Variants in E4F1 observed in about 807,000 individuals in gnomAD.
E4F1 encodes the protein E4F transcription factor 1, also known as transcription factor E4F1.
E4F1 carries 30 observed loss-of-function variants against 72.9 expected under a neutral mutation model. The observed-to-expected ratio is 0.41, with a 90% CI of 0.31 to 0.56. E4F1 has a LOEUF of 0.56. Ranked by LOEUF, E4F1 falls within the 20% of genes least tolerant of loss-of-function variation. The pLI, the probability that E4F1 is intolerant of heterozygous loss-of-function variation, is 0.25. For synonymous variants in E4F1, 542 were observed against 478.2 expected (o/e 1.13, Z -1.74); for missense variants, 1,091 against 1,117.5 (o/e 0.98, Z 0.34).
chr16:2,226,599 G>A (rs1281413773), intron 1 of E4F1, among the ~76,000 whole-genome samples: 2 of 152,244 alleles, frequency 1.3e-5, no homozygotes, highest in Non-Finnish European at 2.9e-5. Context: ...GAAGGTGAAT[G>A]GTCAGAGCTG....
Position 2,235,092 on chromosome 16 carries a change from C to T in E4F1, c.1947C>T (p.Asp649=), listed in dbSNP as rs370510459. Residue 649 remains aspartate (D), a synonymous_variant, in exon 13 of 14, where the codon GAC becomes GAT. Coordinates refer to ENST00000301727, the MANE Select transcript of E4F1 (RefSeq NM_004424.5). ...TQEYIIEATA[D]DAETSEATEI... is the part of the protein sequence containing the mutation. ...GCCCATCTGCCCAGGCCACTGCGGA[C>T]GATGCGGAGACCAGTGAGGCCACGG... is the stretch of plus-strand genomic sequence containing the variant. The T allele has an allele frequency of 1.6e-5, 25 of 1,612,344 alleles. No individual in the cohort carries two copies. In the African/African-American group the frequency reaches 1.6e-4, roughly 10 times the overall value.
chr16:2,235,285 G>A lies in E4F1; in HGVS notation c.2068G>A (p.Val690Met), dbSNP rs138985848. 3.0e-5 allele frequency: 48 copies of A among 1,611,218 alleles called. No homozygotes were observed. The highest frequency in any genetic ancestry group is 1.6e-4 in the Middle Eastern group (1 of 6,084). ...GGCTAGCGCCGGCCACCAGATCATC[G>A]TGCAGAACGTCACCATGGACGAGGA... The part of the protein sequence containing the change: ...HQASAGHQII[V>M]QNVTMDEETA... Residue 690 changes from valine to methionine, a missense_variant, in exon 14 of 14, where the codon GTG (valine) becomes ATG (methionine). By Grantham distance (21) the Val-to-Met change is conservative (BLOSUM62 1). Around this residue, in one of 5 missense-constraint regions of E4F1, gnomAD observed 622 missense variants for 628.0 expected, o/e 0.99. Transcript: ENST00000301727.
intron 5 of E4F1, 74 bp downstream of exon 5, chr16:2,232,650 T>A: frequency 6.2e-7 from 1 of 1,604,034 alleles, no homozygotes; most frequent in Non-Finnish European, 8.5e-7. Flanking sequence ...CAGCCTCGCA[T>A]TCCCCAGCTT....
intron 1 of E4F1, 184 bp downstream of exon 1, chr16:2,223,954 C>T: frequency 6.6e-7 from 1 of 1,522,238 alleles, no homozygotes; most frequent in Non-Finnish European, 8.8e-7. Flanking sequence ...TCACGGGCCT[C>T]TCCTGCGGGG....
chr16:2,234,323 C>A lies in E4F1; in HGVS notation c.1528C>A (p.Arg510=). 1 of 1,612,984 alleles carries A rather than the reference C, an allele frequency of 6.2e-7. No homozygotes were observed. The highest frequency in any genetic ancestry group is 2.2e-5 in the East Asian group (1 of 44,886). Residue 510 remains arginine, a synonymous_variant, in exon 10 of 14, where the codon CGG becomes AGG. Transcript: ENST00000301727. The part of the protein sequence containing the change: ...YKTIAHVRGH[R]RVHSDERPYP... ...GACCATTGCCCATGTGCGTGGCCAC[C>A]GGCGCGTCCACTCAGACGAGCGGCC...
Position 2,234,020 on chromosome 16 carries a change from G to A in E4F1, c.1375+30G>A, listed in dbSNP as rs768376283. On this transcript the variant is annotated intron_variant, in intron 9 of 13. Transcript: ENST00000301727. ...GTGATGGGTGGGTGTGTGGCCCATG[G>A]CAGTGGATGGGCTATAGGTGGCCGG... 1.9e-6 allele frequency: 3 copies of A among 1,558,384 alleles called. No homozygotes were observed. The East Asian group carries it at 7.1e-5, about 37-fold the overall frequency.
chr16:2,232,032 A>C (rs2093470543), intron 3 of E4F1, 139 bp from the exon 4 acceptor site: 2 of 1,050,672 alleles, frequency 1.9e-6, no homozygotes, highest in African/African-American at 3.2e-5. Flanking sequence ...TGTTGCTCGG[A>C]CCTGTGTGTT....
At chr16:2,232,434 G>C in intron 4 of E4F1, 22 bp from the exon 5 acceptor site, 1 of 1,607,726 alleles carries the variant, frequency 6.2e-7, no homozygotes, top group East Asian at 2.2e-5. Flanking sequence ...AGGGCCCTGA[G>C]CTGCCACGCC....
intron 1 of E4F1, among the ~76,000 whole-genome samples, chr16:2,225,376 G>T (rs1448495479): frequency 6.6e-6 from 1 of 151,832 alleles, no homozygotes; most frequent in East Asian, 1.9e-4. Flanking sequence ...GCTCATACCT[G>T]TAACCCCAAC....
intron 1 of E4F1, among the ~76,000 whole-genome samples, chr16:2,228,138 G>T (rs2093443066): frequency 6.6e-6 from 1 of 152,218 alleles, no homozygotes. Context: ...CCCTCTGCTG[G>T]GTGCTGACCT....
Position 2,233,177 on chromosome 16 carries a change from C to G in E4F1, c.1050C>G (p.Ala350=). 1 of 1,601,206 alleles carries G rather than the reference C, an allele frequency of 6.2e-7. No individual in the cohort carries two copies. Among genetic ancestry groups the G allele is most frequent in the Non-Finnish European group, 8.5e-7 (1 of 1,171,570 alleles). Residue 350 remains alanine, a synonymous_variant, in exon 7 of 14, where the codon GCC becomes GCG. Transcript: ENST00000301727. ...QELSLGMKAL[A]PEPPVSQELP... ...TGTCCCTGGGCATGAAAGCCCTGGC[C>G]CCAGAGGTGGGGGCGACGGGGGGCC...
intron 2 of E4F1, among the ~76,000 whole-genome samples, chr16:2,229,208 C>T (rs535438537): frequency 2.5e-4 from 38 of 152,338 alleles, no homozygotes; most frequent in African/African-American, 6.3e-4. Context: ...CTCCTCACAC[C>T]GCTCTGCCGG....
At chr16:2,229,464 C>T (rs1467439831) in intron 2 of E4F1, 106 bp from the exon 3 acceptor site, 34 of 1,237,084 alleles carry the variant, frequency 2.7e-5, no homozygotes, top group Non-Finnish European at 3.7e-5. Context: ...CTGAGCACCA[C>T]AAGTCACACC....
intron 7 of E4F1, 71 bp downstream of exon 7, chr16:2,233,254 C>T (rs1031394028): frequency 2.4e-5 from 36 of 1,526,902 alleles, no homozygotes; most frequent in Non-Finnish European, 3.2e-5. Flanking sequence ...TTGTTCTGGG[C>T]ACTGGCTCCA....
Position 2,235,431 on chromosome 16 carries a change from C to T in E4F1, c.2214C>T (p.Ala738=), listed in dbSNP as rs758366940. 81 of 1,612,396 alleles carry T rather than the reference C, an allele frequency of 5.0e-5. No homozygotes were observed. Among genetic ancestry groups the T allele is most frequent in the Admixed American group, 1.8e-4 (11 of 59,992 alleles). Residue 738 remains alanine, a synonymous_variant, in exon 14 of 14, where the codon GCC becomes GCT. Transcript: ENST00000301727. Reference sequence around the variant, plus strand: ...CCATCAGCGAGGGCACTGTGCTTGCCGCCCGGGCAGGGACAAGTGGCACTG... The same window carrying T: ...CCATCAGCGAGGGCACTGTGCTTGCTGCCCGGGCAGGGACAAGTGGCACTG... The part of the protein sequence containing the change: ...ASAISEGTVL[A]ARAGTSGTEQ...
At chr16:2,227,406 C>CT (rs1295568793) in intron 1 of E4F1, among the ~76,000 whole-genome samples, 1 of 152,068 alleles carries the variant, frequency 6.6e-6, no homozygotes, top group African/African-American at 2.4e-5. Flanking sequence ...GAGTCTCGCT[C>CT]TTTCGCCCAG....
rs142656555 is a variant in E4F1 at position 2,232,243 on chromosome 16, C to T, written c.488C>T (p.Pro163Leu). ...ELGDGEMAEA[P>L]GSPRQQGLGL... Reference sequence around the variant, plus strand: ...GGAGACGGTGAGATGGCCGAGGCCCCGGGCAGCCCCCGCCAGCAGGGGCTG... The same window carrying T: ...GGAGACGGTGAGATGGCCGAGGCCCTGGGCAGCCCCCGCCAGCAGGGGCTG... Residue 163 changes from proline (P) to leucine (L), a missense_variant, in exon 4 of 14, where the codon CCG becomes CTG. Pro to Leu is a moderately conservative substitution (Grantham distance 98, BLOSUM62 -3). This residue lies in a region of E4F1 where 362 missense variants were observed against 358.6 expected (regional missense o/e 1.01). Coordinates refer to ENST00000301727, the MANE Select transcript of E4F1 (RefSeq NM_004424.5). The T allele has an allele frequency of 1.2e-4, 190 of 1,612,668 alleles. No individual in the cohort carries two copies. The highest frequency in any genetic ancestry group is 1.1e-4 in the African/African-American group (8 of 75,030).
chr16:2,229,778 C>A lies in E4F1; in HGVS notation c.415+103C>A, dbSNP rs542642756. 1.3e-5 allele frequency: 18 copies of A among 1,339,714 alleles called. No homozygotes were observed. The South Asian group carries it at 2.0e-4, about 15-fold the overall frequency. The allele number at this position is 1,339,714 out of a possible 1,614,324, so 83.0% of individuals were successfully genotyped here. On this transcript the variant is annotated intron_variant, in intron 3 of 13. Coordinates refer to ENST00000301727, the MANE Select transcript of E4F1 (RefSeq NM_004424.5). ...ATGCTCGTCTCTCCCGAGACCAGGG[C>A]CTGGCTGGGAGGGGCCGCGGCCTCG...
chr16:2,235,632 C>T lies in E4F1; in HGVS notation c.*60C>T, dbSNP rs1331947130. The T allele has an allele frequency of 2.8e-6, 4 of 1,413,478 alleles. No individual in the cohort carries two copies. Among genetic ancestry groups the T allele is most frequent in the East Asian group, 4.9e-5 (2 of 40,836 alleles). 87.6% of individuals were successfully genotyped at this position (1,413,478 alleles called of 1,614,324 possible). ...AGGGCAGAGGACTCTGAGCGCCCCA[C>T]CCATGCCTGCCTGGCCTGGTAGAGA... On this transcript the variant is annotated 3_prime_UTR_variant, in exon 14 of 14. Coordinates refer to ENST00000301727, the MANE Select transcript of E4F1 (RefSeq NM_004424.5).
Sources: gnomAD v4.1 joint callset for allele counts (sites outside exome capture counted in the v4.1 genomes callset) on GRCh38, gnomAD v4.1.1 for gene constraint, gnomAD v4.1.1 regional missense constraint, MANE v1.5 for transcripts, NCBI Gene and HGNC (gene_info 2026-07-23, HGNC 2026-07-21) for gene names.